The following RAB11FIP5 variants were observed in gnomAD, a reference collection of about 807,000 sequenced individuals.
The protein encoded by RAB11FIP5 is rab11 family-interacting protein 5.
RAB11FIP5 carries 48 observed loss-of-function variants against 85.1 expected under a neutral mutation model. The observed-to-expected ratio is 0.56, with a 90% CI of 0.45 to 0.72. The LOEUF is 0.72. Ranked by LOEUF, RAB11FIP5 falls within the 30% of genes least tolerant of loss-of-function variation. The pLI, the probability that RAB11FIP5 is intolerant of heterozygous loss-of-function variation, is 0.00. For missense variants in RAB11FIP5, 1,491 were observed against 1,687.0 expected (o/e 0.88, Z 2.04); for synonymous variants, 729 against 727.3 (o/e 1.00, Z -0.04).
chr2:73,088,528 A>T lies in RAB11FIP5; in HGVS notation c.1090T>A (p.Ser364Thr). The T allele has an allele frequency of 6.2e-7, 1 of 1,613,974 alleles. No individual in the cohort carries two copies. The highest frequency in any genetic ancestry group is 2.2e-5 in the East Asian group (1 of 44,886). ...GAGACAGCTTGCAAGGAGCCAGAGG[A>T]TGGAAGCGAGCCCGAGATGGAGCTG... ...HRSSISGSLP[S>T]SGSLQAVSSR... Residue 364 changes from serine to threonine, a missense_variant, in exon 3 of 6, where the codon TCC becomes ACC. Physicochemically the swap from Ser to Thr is moderately conservative, Grantham distance 58. Transcript: ENST00000486777.
Position 73,088,326 on chromosome 2 carries a change from C to T in RAB11FIP5, c.1292G>A (p.Gly431Asp). The change falls in exon 3 of 6, where the codon GGC (glycine) becomes GAC (aspartate). Residue 431 changes from glycine to aspartate, a missense_variant. Transcript: ENST00000486777. ...GGGTGTGGCAACCTGGACTGGCTTG[C>T]CCTCTGGTAGCCGGGCCCCCTCCTC... ...GEEEGARLPE[G>D]KPVQVATPIV... 1.2e-6 allele frequency: 2 copies of T among 1,613,728 alleles called. No homozygotes were observed. Among genetic ancestry groups the T allele is most frequent in the Non-Finnish European group, 1.7e-6 (2 of 1,180,026 alleles).
rs534260951 is a variant in RAB11FIP5, at chr2:73,112,704, A to C, written c.74T>G (p.Val25Gly). The C allele has an allele frequency of 2.6e-6, 4 of 1,566,954 alleles. No individual in the cohort carries two copies. The South Asian group carries it at 3.5e-5, about 14-fold the overall frequency. The change falls in exon 1 of 6, where the codon GTG becomes GGG. Residue 25 changes from valine to glycine, a missense_variant. Physicochemically the swap from Val to Gly is moderately radical, Grantham distance 109 (BLOSUM62 -3). Around this residue, in one of 3 missense-constraint regions of RAB11FIP5, gnomAD observed 1,211 missense variants for 1,338.0 expected, o/e 0.91. Transcript: ENST00000486777. ...RWLPTHVQVT[V>G]LRARGLRGKS... is the part of the protein sequence containing the mutation. ...GCCCCGCAGCCCGCGGGCCCGCAGC[A>C]CCGTCACCTGGACGTGCGTGGGCAG...
chr2:73,105,041 C>T (rs1273033348), intron 1 of RAB11FIP5, among the ~76,000 whole-genome samples: 1 of 152,196 alleles, frequency 6.6e-6, no homozygotes, highest in Non-Finnish European at 1.5e-5. Flanking sequence ...TAGCAAATGA[C>T]TGTATTGCTG....
At chr2:73,106,235 A>G (rs1406351591) in intron 1 of RAB11FIP5, among the ~76,000 whole-genome samples, 1 of 152,158 alleles carries the variant, frequency 6.6e-6, no homozygotes, top group Non-Finnish European at 1.5e-5. Flanking sequence ...CAACGAGGCA[A>G]TGAAAATAAT....
chr2:73,101,089 G>A (rs1030075191), intron 1 of RAB11FIP5, among the ~76,000 whole-genome samples: 2 of 152,162 alleles, frequency 1.3e-5, no homozygotes, highest in South Asian at 2.1e-4. Flanking sequence ...TCAGGGCTTC[G>A]CTGAGGGTGG....
Position 73,088,846 on chromosome 2 carries a change from C to A in RAB11FIP5, c.868+33G>T, listed in dbSNP as rs201284008. 7.3e-5 allele frequency: 113 copies of A among 1,539,272 alleles called. No homozygotes were observed. In the African/African-American group the frequency reaches 1.5e-3, roughly 20 times the overall value. On this transcript the variant is annotated intron_variant, in intron 2 of 5. Transcript: ENST00000486777. Reference sequence around the variant, plus strand: ...CACCCAAGGGGAGAGCCAGTGCCCCCCTCCCCAGGGCGGCGGCCCTGTGCT... The same window carrying A: ...CACCCAAGGGGAGAGCCAGTGCCCCACTCCCCAGGGCGGCGGCCCTGTGCT...
chr2:73,109,537 G>A (rs55854246), intron 1 of RAB11FIP5, among the ~76,000 whole-genome samples: 9,080 of 152,296 alleles, frequency 0.06, 325 homozygotes, highest in East Asian at 0.14. Flanking sequence ...CCAGTCTCCA[G>A]GTTTTTAAGC....
rs1276559033 is a variant in RAB11FIP5 at position 73,082,037 on chromosome 2, T to TC, written c.1569-375dup. ...AAAACTAATCTGAAAGCGCCTTACATCCCTTTTTTTTTTTTTTTTTTTGAG... is the reference window on the plus strand; with the variant it reads ...AAAACTAATCTGAAAGCGCCTTACATCCCCTTTTTTTTTTTTTTTTTTTGAG... On this transcript the variant is annotated intron_variant, in intron 3 of 5. Transcript: ENST00000486777. Among the ~76,000 whole-genome samples the TC allele has an allele frequency of 3.0e-5, 4 of 135,158 alleles. No individual in the cohort carries two copies. In the East Asian group the frequency reaches 9.6e-4, roughly 33 times the overall value. 88.7% of individuals were successfully genotyped at this position (135,158 alleles called of 152,430 possible). A position where few individuals can be genotyped will look rare whatever the true frequency, so the allele number is the denominator to read the frequency against.
chr2:73,075,962 C>A lies in RAB11FIP5; in HGVS notation c.3771+31G>T. The A allele has an allele frequency of 6.3e-7, 1 of 1,592,226 alleles. No homozygotes were observed. Among genetic ancestry groups the A allele is most frequent in the South Asian group, 1.1e-5 (1 of 88,464 alleles). ...CCTGAGACTCCACCACACATTCTGT[C>A]AGATGGCCCCCACACCCTGCTGGGC... is the stretch of plus-strand genomic sequence containing the variant. On this transcript the variant is annotated intron_variant, in intron 5 of 5. Coordinates refer to ENST00000486777, the MANE Select transcript of RAB11FIP5 (RefSeq NM_001371272.1). This position sits in a 1 kb window ranked among gnomAD's most constrained non-coding sequence, Gnocchi z 4.6.
chr2:73,082,070 C>A (rs1683995318), intron 3 of RAB11FIP5, among the ~76,000 whole-genome samples: 1 of 133,702 alleles, frequency 7.5e-6, no homozygotes, highest in African/African-American at 2.9e-5. Context: ...GAGATAGAGT[C>A]TCTTGCCCAG....
chr2:73,092,372 C>T (rs781428346), intron 1 of RAB11FIP5, among the ~76,000 whole-genome samples: 5 of 152,340 alleles, frequency 3.3e-5, no homozygotes, highest in Middle Eastern at 6.8e-3. Flanking sequence ...CTGAGGGGAC[C>T]GGGGCCCTGT....
rs1357689798 is a variant in RAB11FIP5 at position 73,089,070 on chromosome 2, C to T, written c.677G>A (p.Gly226Asp). Residue 226 changes from glycine (G) to aspartate (D), a missense_variant, in exon 2 of 6, where the codon GGC (glycine) becomes GAC (aspartate). This residue lies in a region of RAB11FIP5 where 1,211 missense variants were observed against 1,338.0 expected (regional missense o/e 0.91). Coordinates refer to ENST00000486777, the MANE Select transcript of RAB11FIP5 (RefSeq NM_001371272.1). The surrounding 1 kb of genome is among the most constrained non-coding windows in gnomAD (Gnocchi z 4.6). ...AIEDPDLGSLGKMGKAKGFFL... is the reference protein window; with the variant it reads ...AIEDPDLGSLDKMGKAKGFFL... ...GAAGCCTTTGGCTTTGCCCATCTTG[C>T]CCAGGCTGCCCAGGTCAGGATCCTC... The T allele has an allele frequency of 6.2e-7, 1 of 1,614,202 alleles. No individual in the cohort carries two copies. Among genetic ancestry groups the T allele is most frequent in the Non-Finnish European group, 8.5e-7 (1 of 1,180,030 alleles).
At chr2:73,093,875 C>A (rs1684269144) in intron 1 of RAB11FIP5, among the ~76,000 whole-genome samples, 1 of 152,214 alleles carries the variant, frequency 6.6e-6, no homozygotes, top group Non-Finnish European at 1.5e-5. Context: ...AATCCCAGCA[C>A]TTTGGGAGGC....
At chr2:73,100,257 C>T (rs1361711694) in intron 1 of RAB11FIP5, among the ~76,000 whole-genome samples, 1 of 152,106 alleles carries the variant, frequency 6.6e-6, no homozygotes, top group East Asian at 1.9e-4. Flanking sequence ...ATTTCTACCG[C>T]GGGACAGTGA....
Position 73,088,583 on chromosome 2 carries a change from A to C in RAB11FIP5, c.1035T>G (p.Asn345Lys), listed in dbSNP as rs1426672938. 2 of 1,613,634 alleles carry C rather than the reference A, an allele frequency of 1.2e-6. No individual in the cohort carries two copies. The highest frequency in any genetic ancestry group is 8.5e-7 in the Non-Finnish European group (1 of 1,180,046). ...GCCGCACAGGGCCCTGGGGCTCCTC[A>C]TTGTAAATGTGGCTCCCATTGACAC... Reference protein sequence around the residue: ...SLCVNGSHIYNEEPQGPVRHR... With the variant: ...SLCVNGSHIYKEEPQGPVRHR... The change falls in exon 3 of 6, where the codon AAT becomes AAG. Residue 345 changes from asparagine to lysine, a missense_variant. By Grantham distance (94) the Asn-to-Lys change is moderately conservative. Coordinates refer to ENST00000486777, the MANE Select transcript of RAB11FIP5 (RefSeq NM_001371272.1).
At chr2:73,103,847 G>A (rs1389085719) in intron 1 of RAB11FIP5, among the ~76,000 whole-genome samples, 1 of 152,106 alleles carries the variant, frequency 6.6e-6, no homozygotes, top group Non-Finnish European at 1.5e-5. Context: ...CTCTCTCAGG[G>A]GATCTCTGGC....
chr2:73,100,055 C>A (rs1386789948), intron 1 of RAB11FIP5, among the ~76,000 whole-genome samples: 1 of 152,152 alleles, frequency 6.6e-6, no homozygotes, highest in Non-Finnish European at 1.5e-5. Flanking sequence ...AAGCAGGGCA[C>A]CAATGTGAAG....
chr2:73,112,526 G>A lies in RAB11FIP5; in HGVS notation c.252C>T (p.Gly84=), dbSNP rs1444419077. ...CGTCGGCCTCCTGCGCCCGCAGCAG[G>A]CCATCCAGGGCCCCCGGCGGCAGCT... The part of the protein sequence containing the change: ...SFELPPGALD[G]LLRAQEADAG... Residue 84 remains glycine (G), a synonymous_variant, in exon 1 of 6, where the codon GGC becomes GGT. Coordinates refer to ENST00000486777, the MANE Select transcript of RAB11FIP5 (RefSeq NM_001371272.1). The A allele has an allele frequency of 6.6e-7, 1 of 1,520,386 alleles. No homozygotes were observed. Among genetic ancestry groups the A allele is most frequent in the South Asian group, 1.2e-5 (1 of 80,628 alleles). 94.2% of individuals were successfully genotyped at this position (1,520,386 alleles called of 1,614,324 possible).
chr2:73,112,525 G>A lies in RAB11FIP5; in HGVS notation c.253C>T (p.Leu85=), dbSNP rs765330022. ...FELPPGALDG[L]LRAQEADAGP... ...GCGTCGGCCTCCTGCGCCCGCAGCA[G>A]GCCATCCAGGGCCCCCGGCGGCAGC... The change falls in exon 1 of 6, where the codon CTG becomes TTG. Residue 85 remains leucine (L), a synonymous_variant. Transcript: ENST00000486777. The A allele has an allele frequency of 4.6e-6, 7 of 1,519,662 alleles. No homozygotes were observed. The highest frequency in any genetic ancestry group is 6.2e-6 in the Non-Finnish European group (7 of 1,134,558). 94.1% of individuals were successfully genotyped at this position (1,519,662 alleles called of 1,614,324 possible).
Sources: allele counts gnomAD v4.1 joint callset (sites outside exome capture counted in the v4.1 genomes callset), GRCh38; gene constraint gnomAD v4.1.1; regional missense constraint gnomAD v4.1.1; non-coding constraint Gnocchi (gnomAD v3.1); transcripts MANE v1.5; gene names NCBI Gene and HGNC (gene_info 2026-07-23, HGNC 2026-07-21).